The following MACROD2 variants were observed in gnomAD, a reference collection of about 807,000 sequenced individuals.
MACROD2 encodes ADP-ribose glycohydrolase MACROD2.
MACROD2 carries 36 observed loss-of-function variants against 70.4 expected under a neutral mutation model. The observed-to-expected ratio is 0.51, with a 90% CI of 0.39 to 0.68. The LOEUF is 0.68. Ranked by LOEUF, MACROD2 falls within the 30% of genes least tolerant of loss-of-function variation. The pLI is 0.00. For synonymous variants in MACROD2, 172 were observed against 178.8 expected (o/e 0.96, Z 0.30); for missense variants, 496 against 538.4 (o/e 0.92, Z 0.78).
intron 3 of MACROD2, among the ~76,000 whole-genome samples, chr20:14,465,588 G>A (rs2084435324): frequency 6.6e-6 from 1 of 152,008 alleles, no homozygotes; most frequent in Admixed American, 6.6e-5. Context: ...GATGTTAGCT[G>A]GTTATTTTGA....
At chr20:14,645,530 C>A (rs1053411238) in intron 4 of MACROD2, among the ~76,000 whole-genome samples, 5 of 151,906 alleles carry the variant, frequency 3.3e-5, no homozygotes, top group Non-Finnish European at 7.4e-5. Flanking sequence ...AATTTATAAT[C>A]TTTTAAAATG....
intron 5 of MACROD2, among the ~76,000 whole-genome samples, chr20:15,036,634 G>A (rs779297110): frequency 7.9e-5 from 12 of 152,010 alleles, no homozygotes; most frequent in African/African-American, 1.5e-4. Context: ...AATCACCACC[G>A]TGATTTTTAG....
chr20:15,661,917 A>G (rs548685008), intron 8 of MACROD2, among the ~76,000 whole-genome samples: 1 of 152,198 alleles, frequency 6.6e-6, no homozygotes, highest in Non-Finnish European at 1.5e-5. Flanking sequence ...ATATGGTTGC[A>G]TTATTAAGCC....
chr20:14,275,588 A>G lies in MACROD2; in HGVS notation c.271+189860A>G, dbSNP rs1024424845. 1.1e-4 allele frequency among the ~76,000 whole-genome samples: 16 copies of G among 151,814 alleles called. 1 individual carries two copies. In the South Asian group the frequency reaches 2.7e-3, roughly 26 times the overall value. On this transcript the variant is annotated intron_variant, in intron 3 of 17. Coordinates refer to ENST00000684519, the MANE Select transcript of MACROD2 (RefSeq NM_001351661.2). ...AGGCATGGGCAAGGACTTCATGTCT[A>G]AAACACCAAAAGCAATGGCAACAAA...
chr20:14,566,181 CA>C (rs1260488211), intron 4 of MACROD2, among the ~76,000 whole-genome samples: 6 of 151,768 alleles, frequency 4.0e-5, no homozygotes, highest in African/African-American at 1.5e-4. Context: ...AATAAAAAAC[CA>C]AATGACCAAA....
At chr20:15,103,404 A>C (rs910074384) in intron 5 of MACROD2, among the ~76,000 whole-genome samples, 1 of 152,080 alleles carries the variant, frequency 6.6e-6, no homozygotes, top group Non-Finnish European at 1.5e-5. Flanking sequence ...CAGTAGGTTG[A>C]CCAGATGTGC....
intron 3 of MACROD2, among the ~76,000 whole-genome samples, chr20:14,105,693 C>A (rs151334874): frequency 1.3e-5 from 2 of 152,298 alleles, no homozygotes; most frequent in African/African-American, 4.8e-5. Context: ...AGTGCACCAT[C>A]CCTCTTCCAA....
chr20:15,150,471 G>A (rs2076261336), intron 5 of MACROD2, among the ~76,000 whole-genome samples: 1 of 151,990 alleles, frequency 6.6e-6, no homozygotes, highest in African/African-American at 2.4e-5. Context: ...AGGTAAAATG[G>A]GGGAATTGTA....
intron 10 of MACROD2, among the ~76,000 whole-genome samples, chr20:15,886,540 C>A (rs557254887): frequency 1.3e-5 from 2 of 152,074 alleles, no homozygotes; most frequent in Admixed American, 6.6e-5. Flanking sequence ...ATTGCTGTGG[C>A]CATCTTTGGA....
intron 5 of MACROD2, among the ~76,000 whole-genome samples, chr20:15,187,592 G>A (rs905558988): frequency 6.6e-6 from 1 of 152,104 alleles, no homozygotes; most frequent in Non-Finnish European, 1.5e-5. Context: ...ATTCAGTGTA[G>A]TTAAGGAGAA....
intron 5 of MACROD2, among the ~76,000 whole-genome samples, chr20:14,685,997 G>A (rs927038472): frequency 6.6e-6 from 1 of 152,144 alleles, no homozygotes; most frequent in East Asian, 1.9e-4. Flanking sequence ...GTTTAAATTT[G>A]AGGACTTGTA....
At chr20:15,002,519 T>A (rs983109727) in intron 5 of MACROD2, among the ~76,000 whole-genome samples, 5 of 152,188 alleles carry the variant, frequency 3.3e-5, no homozygotes, top group African/African-American at 1.2e-4. Context: ...ATTCTTATGA[T>A]CAATGACGAT....
At chr20:14,911,185 G>A (rs938308354) in intron 5 of MACROD2, among the ~76,000 whole-genome samples, 30 of 152,120 alleles carry the variant, frequency 2.0e-4, no homozygotes. Flanking sequence ...CAGACCTATT[G>A]AATGAGAGTC....
At chr20:15,713,986 T>TGCACACAC (rs780421547) in intron 8 of MACROD2, among the ~76,000 whole-genome samples, 2,267 of 97,262 alleles carry the variant, frequency 0.023, 51 homozygotes, top group East Asian at 0.067. Context: ...CACACACATA[T>TGCACACAC]GCACACACAC....
intron 3 of MACROD2, among the ~76,000 whole-genome samples, chr20:14,363,192 C>T (rs565564361): frequency 6.6e-6 from 1 of 152,194 alleles, no homozygotes; most frequent in African/African-American, 2.4e-5. Flanking sequence ...TTCTGAGCCT[C>T]CTTTTATTAT....
chr20:15,520,711 C>T (rs936391052), intron 8 of MACROD2, among the ~76,000 whole-genome samples: 3 of 152,282 alleles, frequency 2.0e-5, no homozygotes, highest in East Asian at 1.9e-4. Flanking sequence ...GAGAGTCAGA[C>T]GGGCCCCTGA....
intron 3 of MACROD2, among the ~76,000 whole-genome samples, chr20:14,134,826 C>G (rs927474242): frequency 3.0e-4 from 40 of 133,792 alleles, no homozygotes; most frequent in African/African-American, 8.4e-4. Flanking sequence ...AAAAAAACAG[C>G]TACAAATTCA....
At chr20:15,643,698 C>T (rs952925610) in intron 8 of MACROD2, among the ~76,000 whole-genome samples, 1 of 152,202 alleles carries the variant, frequency 6.6e-6, no homozygotes, top group African/African-American at 2.4e-5. Context: ...ACCACTTTAT[C>T]AAGCTAAACT....
intron 7 of MACROD2, among the ~76,000 whole-genome samples, chr20:15,463,157 C>T (rs1349368930): frequency 6.6e-6 from 1 of 152,192 alleles, no homozygotes; most frequent in East Asian, 1.9e-4. Flanking sequence ...AGTTGGGAAG[C>T]TTTGGCATAA....
Sources: gnomAD v4.1 joint callset for allele counts (sites outside exome capture counted in the v4.1 genomes callset) on GRCh38, gnomAD v4.1.1 for gene constraint, MANE v1.5 for transcripts, NCBI Gene and HGNC (gene_info 2026-07-23, HGNC 2026-07-21) for gene names.